The following MTHFD1L variants were observed in gnomAD, a reference collection of about 807,000 sequenced individuals.
MTHFD1L encodes methylenetetrahydrofolate dehydrogenase (NADP+ dependent) 1 like.
A neutral mutation model predicts 119.5 loss-of-function variants in MTHFD1L; 81 were observed. The observed-to-expected ratio is 0.68, with a 90% CI of 0.57 to 0.82. The LOEUF is 0.82. Ranked by LOEUF, MTHFD1L falls within the 40% of genes least tolerant of loss-of-function variation. MTHFD1L has a pLI of 0.00. For missense variants in MTHFD1L, 1,125 were observed against 1,253.4 expected (o/e 0.90, Z 1.55); for synonymous variants, 430 against 475.2 (o/e 0.90, Z 1.24).
intron 15 of MTHFD1L, among the ~76,000 whole-genome samples, chr6:150,948,513 G>A (rs1490119814): frequency 4.6e-5 from 7 of 151,170 alleles, no homozygotes; most frequent in Admixed American, 1.3e-4. Context: ...TAGTAGAGAC[G>A]GGGATTCACC....
In MTHFD1L at chr6:151,069,240, CTTCTCTCTCT is replaced by C. The variant is rs1791665509; in HGVS notation, c.2848-23216_2848-23207del. ...CCACAGTCATAAGGCCCAAAACTAT[CTTCTCTCTCT>C]TTCTCTCTCTCTCTCTCTCTCTCTC... On this transcript the variant is annotated intron_variant, in intron 26 of 27. Transcript: ENST00000367321. Among the ~76,000 whole-genome samples the C allele has an allele frequency of 2.9e-5, 3 of 104,300 alleles. No individual in the cohort carries two copies. In the South Asian group the frequency reaches 1.1e-3, roughly 37 times the overall value. The allele number at this position is 104,300 out of a possible 152,430, so 68.4% of individuals were successfully genotyped here.
In MTHFD1L at chr6:151,095,625, G is replaced by C. The variant is rs191763090; in HGVS notation, c.*31+3038G>C. On this transcript the variant is annotated intron_variant, in intron 27 of 27. Transcript: ENST00000367321. ...AAGAATTCCTCCAGATCTTATATAC[G>C]GGGCCTGCAGGGCAGGACACAGGCC... Among the ~76,000 whole-genome samples the C allele has an allele frequency of 5.9e-5, 9 of 152,276 alleles. No homozygotes were observed. In the East Asian group the frequency reaches 1.5e-3, roughly 26 times the overall value.
At chr6:151,056,242 T>C (rs1406218030) in intron 26 of MTHFD1L, among the ~76,000 whole-genome samples, 1 of 152,204 alleles carries the variant, frequency 6.6e-6, no homozygotes, top group Non-Finnish European at 1.5e-5. Flanking sequence ...CTGGCTGTTG[T>C]TCTGTGTTTG....
intron 20 of MTHFD1L, among the ~76,000 whole-genome samples, chr6:150,982,751 G>A (rs930964345): frequency 7.3e-5 from 11 of 150,660 alleles, no homozygotes; most frequent in Admixed American, 2.0e-4. Flanking sequence ...CCAGGCTGGC[G>A]TGCAGTGGCA....
intron 7 of MTHFD1L, among the ~76,000 whole-genome samples, chr6:150,904,775 A>G (rs546417987): frequency 6.6e-6 from 1 of 152,306 alleles, no homozygotes; most frequent in Non-Finnish European, 1.5e-5. Context: ...TGGATGATCA[A>G]AATGCAAATA....
chr6:151,014,680 C>G (rs1260427436), intron 22 of MTHFD1L, among the ~76,000 whole-genome samples, 200 bp from the exon 23 acceptor site: 1 of 152,184 alleles, frequency 6.6e-6, no homozygotes, highest in African/African-American at 2.4e-5. Context: ...TTCAGACCCA[C>G]CCATATGCCA....
intron 18 of MTHFD1L, among the ~76,000 whole-genome samples, chr6:150,962,192 T>G (rs1409093072): frequency 1.3e-5 from 2 of 151,774 alleles, no homozygotes; most frequent in Non-Finnish European, 2.9e-5. Flanking sequence ...GTTTCACCAT[T>G]TTGGCCAGGC....
At chr6:150,938,665 A>T in intron 12 of MTHFD1L, 34 bp from the exon 13 acceptor site, 1 of 1,598,724 alleles carries the variant, frequency 6.3e-7, no homozygotes. Context: ...GTACTTGGTG[A>T]CCCGTTTGAA....
chr6:150,996,219 T>TG (rs1164341206), intron 20 of MTHFD1L, among the ~76,000 whole-genome samples: 2 of 152,160 alleles, frequency 1.3e-5, no homozygotes, highest in Admixed American at 1.3e-4. Context: ...GAAGATAGTG[T>TG]GGCCTGTTCT....
At chr6:150,928,751 C>T (rs565743575) in intron 11 of MTHFD1L, among the ~76,000 whole-genome samples, 71 of 152,090 alleles carry the variant, frequency 4.7e-4, no homozygotes, top group Admixed American at 7.9e-4. Flanking sequence ...GCCACATTAG[C>T]CAGGCTGGCC....
chr6:150,926,447 A>G lies in MTHFD1L; in HGVS notation c.1256+152A>G. The G allele has an allele frequency of 1.3e-6, 1 of 777,100 alleles. No individual in the cohort carries two copies. The highest frequency in any genetic ancestry group is 2.8e-5 in the East Asian group (1 of 36,018). The allele number at this position is 777,100 out of a possible 1,614,324, so 48.1% of individuals were successfully genotyped here. A position where few individuals can be genotyped will look rare whatever the true frequency, so the allele number is the denominator to read the frequency against. ...GGCATTTCTTTATTTGGTGTGAGATAAGTTTTTATTTTCAGTGCAGAGCAA... is the reference window on the plus strand; with the variant it reads ...GGCATTTCTTTATTTGGTGTGAGATGAGTTTTTATTTTCAGTGCAGAGCAA... On this transcript the variant is annotated intron_variant, in intron 11 of 27. Coordinates refer to ENST00000367321, the MANE Select transcript of MTHFD1L (RefSeq NM_015440.5). The surrounding 1 kb of genome is among the most constrained non-coding windows in gnomAD (Gnocchi z 4.3).
intron 26 of MTHFD1L, among the ~76,000 whole-genome samples, chr6:151,062,471 CT>C (rs1156695962): frequency 1.3e-5 from 2 of 152,070 alleles, no homozygotes; most frequent in Non-Finnish European, 2.9e-5. Context: ...GCTCTTGTGT[CT>C]GTTTAACAGA....
At chr6:151,073,549 CATT>C (rs1339814461) in intron 26 of MTHFD1L, among the ~76,000 whole-genome samples, 1 of 152,086 alleles carries the variant, frequency 6.6e-6, no homozygotes, top group African/African-American at 2.4e-5. Context: ...TAGACACGGA[CATT>C]AAAGTAGTTG....
intron 20 of MTHFD1L, among the ~76,000 whole-genome samples, chr6:150,994,850 C>T (rs1390211624): frequency 6.6e-6 from 1 of 152,120 alleles, no homozygotes; most frequent in East Asian, 1.9e-4. Flanking sequence ...GCAGATAAAG[C>T]ATGTAGGTAG....
intron 17 of MTHFD1L, among the ~76,000 whole-genome samples, chr6:150,958,670 C>G (rs1031127369): frequency 6.6e-6 from 1 of 152,002 alleles, no homozygotes; most frequent in African/African-American, 2.4e-5. Flanking sequence ...TACTATATAC[C>G]TAAAAAAATG....
chr6:150,882,060 TAGAC>T (rs1219712908), intron 4 of MTHFD1L, among the ~76,000 whole-genome samples: 4 of 152,234 alleles, frequency 2.6e-5, no homozygotes, highest in Admixed American at 2.0e-4. Flanking sequence ...TGGCATAAAA[TAGAC>T]AGAGAGGACA....
At chr6:150,972,405 TG>T (rs1157692421) in intron 20 of MTHFD1L, among the ~76,000 whole-genome samples, 12 of 152,216 alleles carry the variant, frequency 7.9e-5, no homozygotes, top group Non-Finnish European at 1.3e-4. Context: ...AGGGTTGTTA[TG>T]AAAACTGAAT....
intron 26 of MTHFD1L, among the ~76,000 whole-genome samples, chr6:151,060,565 A>G (rs1417029426): frequency 1.3e-5 from 2 of 152,178 alleles, no homozygotes; most frequent in Admixed American, 6.5e-5. Context: ...AGGGATAGGG[A>G]AGTCAGGCCA....
chr6:150,987,146 A>G (rs974567256), intron 20 of MTHFD1L, among the ~76,000 whole-genome samples: 1 of 152,222 alleles, frequency 6.6e-6, no homozygotes, highest in Non-Finnish European at 1.5e-5. Flanking sequence ...AGTATTGTGT[A>G]TAGGATCTTC....
Sources: gnomAD v4.1 joint callset for allele counts (sites outside exome capture counted in the v4.1 genomes callset) on GRCh38, gnomAD v4.1.1 for gene constraint, Gnocchi (gnomAD v3.1) non-coding constraint, MANE v1.5 for transcripts, NCBI Gene and HGNC (gene_info 2026-07-23, HGNC 2026-07-21) for gene names.